Variants in SGCD observed in about 807,000 individuals in gnomAD.
SGCD encodes delta-sarcoglycan.
SGCD carries 18 observed loss-of-function variants against 36.6 expected under a neutral mutation model. That is an observed-to-expected ratio of 0.49 (90% CI 0.34 to 0.73). SGCD has a LOEUF of 0.73. Ranked by LOEUF, SGCD falls within the 30% of genes least tolerant of loss-of-function variation. SGCD has a pLI of 0.01. For missense variants in SGCD, 387 were observed against 346.7 expected (o/e 1.12, Z -0.92); for synonymous variants, 133 against 130.6 (o/e 1.02, Z -0.12).
rs1279219724 is a variant in SGCD, at chr5:156,634,915, T to C, written c.503-12549T>C. The stretch of plus-strand genomic sequence containing the variant: ...AGCTAAAGAGATGGGTTATGTCAGA[T>C]TGTCATATTAAATAGCGGAACTTCC... On this transcript the variant is annotated intron_variant, in intron 6 of 8. Coordinates refer to ENST00000337851, the MANE Select transcript of SGCD (RefSeq NM_000337.6). Among the ~76,000 whole-genome samples, 3 of 152,142 alleles carry C rather than the reference T, an allele frequency of 2.0e-5. No homozygotes were observed. The South Asian group carries it at 6.2e-4, about 31-fold the overall frequency.
At chr5:156,742,155 C>T (rs1261847981) in intron 7 of SGCD, among the ~76,000 whole-genome samples, 5 of 152,170 alleles carry the variant, frequency 3.3e-5, no homozygotes, top group African/African-American at 1.2e-4. Flanking sequence ...GGATTACAGG[C>T]GTGAGCCACC....
chr5:156,604,569 T>C (rs1429131823), intron 6 of SGCD, among the ~76,000 whole-genome samples: 1 of 151,768 alleles, frequency 6.6e-6, no homozygotes. Context: ...TATTTTAAGC[T>C]AATAACAATT....
chr5:156,237,480 C>T (rs994713445), intron 3 of SGCD, among the ~76,000 whole-genome samples: 2 of 152,060 alleles, frequency 1.3e-5, no homozygotes, highest in Admixed American at 6.5e-5. Flanking sequence ...AAAAAATTAG[C>T]TGGCCATGGT....
At position 156,458,134 on chromosome 5, in the gene SGCD, C is replaced by T. The variant is rs1754334558; in HGVS notation, c.193-50467C>T. Among the ~76,000 whole-genome samples, 4 of 152,144 alleles carry T rather than the reference C, an allele frequency of 2.6e-5. No individual in the cohort carries two copies. The South Asian group carries it at 8.3e-4, about 32-fold the overall frequency. Reference sequence around the variant, plus strand: ...CTCTGATCCCCACAGGTTCCCAGACCTGTGCTGAAGGAGAATCCTCATTCC... The same window carrying T: ...CTCTGATCCCCACAGGTTCCCAGACTTGTGCTGAAGGAGAATCCTCATTCC... On this transcript the variant is annotated intron_variant, in intron 3 of 8. Transcript: ENST00000337851.
At chr5:156,237,636 CA>C (rs1381565375) in intron 3 of SGCD, among the ~76,000 whole-genome samples, 1 of 151,606 alleles carries the variant, frequency 6.6e-6, no homozygotes, top group Non-Finnish European at 1.5e-5. Flanking sequence ...ATGAAAAAAA[CA>C]AAAAACAAAG....
intron 3 of SGCD, among the ~76,000 whole-genome samples, chr5:156,292,017 A>C (rs1766770702): frequency 6.6e-6 from 1 of 152,056 alleles, no homozygotes; most frequent in African/African-American, 2.4e-5. Flanking sequence ...CCCAGCCACT[A>C]GTAACCACCA....
chr5:156,462,030 A>C lies in SGCD; in HGVS notation c.193-46571A>C, dbSNP rs138691515. On this transcript the variant is annotated intron_variant, in intron 3 of 8. Transcript: ENST00000337851. Reference sequence around the variant, plus strand: ...AAATATGTGAAAAGCTGTTTATACAACAGTAACACTAAATTTTATGTACTG... The same window carrying C: ...AAATATGTGAAAAGCTGTTTATACACCAGTAACACTAAATTTTATGTACTG... 9.7e-3 allele frequency among the ~76,000 whole-genome samples: 1,482 copies of C among 152,338 alleles called. 27 individuals are homozygous for C. Among genetic ancestry groups the C allele is most frequent in the African/African-American group, 0.034 (1,405 of 41,576 alleles).
intron 6 of SGCD, among the ~76,000 whole-genome samples, chr5:156,599,266 A>G (rs1761068245): frequency 6.6e-6 from 1 of 152,114 alleles, no homozygotes. Context: ...TGCACATTTC[A>G]TGGTAGCATC....
chr5:156,048,552 G>A (rs1315075965), intron 1 of SGCD, among the ~76,000 whole-genome samples: 1 of 152,172 alleles, frequency 6.6e-6, no homozygotes, highest in Non-Finnish European at 1.5e-5. Flanking sequence ...TTGTGGTTTT[G>A]ATTTGCATTT....
chr5:156,107,653 C>T (rs1329599635), intron 1 of SGCD, among the ~76,000 whole-genome samples: 1 of 152,118 alleles, frequency 6.6e-6, no homozygotes, highest in Non-Finnish European at 1.5e-5. Flanking sequence ...CAAATCCCCC[C>T]TCCTAGGCAA....
chr5:155,953,073 G>A (rs952456942), intron 1 of SGCD, among the ~76,000 whole-genome samples: 5 of 151,848 alleles, frequency 3.3e-5, no homozygotes, highest in Admixed American at 1.3e-4. Flanking sequence ...TTCATTTTTC[G>A]CTGACCTCAC....
intron 1 of SGCD, among the ~76,000 whole-genome samples, chr5:155,914,384 A>G (rs925671979): frequency 6.6e-6 from 1 of 152,184 alleles, no homozygotes; most frequent in Non-Finnish European, 1.5e-5. Flanking sequence ...ACTATGTGCC[A>G]GGCTCTAGGT....
At chr5:156,407,939 T>C (rs916118909) in intron 3 of SGCD, among the ~76,000 whole-genome samples, 1 of 152,162 alleles carries the variant, frequency 6.6e-6, no homozygotes, top group African/African-American at 2.4e-5. Context: ...TTAACATATG[T>C]GGAGGAGGAA....
At chr5:156,607,030 T>C (rs1469149646) in intron 6 of SGCD, among the ~76,000 whole-genome samples, 3 of 152,314 alleles carry the variant, frequency 2.0e-5, no homozygotes, top group East Asian at 1.9e-4. Context: ...AATTGAATAC[T>C]CTTTGCTTCC....
chr5:156,587,909 G>A (rs1361211104), intron 4 of SGCD, among the ~76,000 whole-genome samples: 1 of 151,300 alleles, frequency 6.6e-6, no homozygotes, highest in Non-Finnish European at 1.5e-5. Context: ...GTCTCCATTA[G>A]AATATAAGAC....
intron 3 of SGCD, among the ~76,000 whole-genome samples, chr5:156,168,776 A>G (rs1763271922): frequency 6.6e-6 from 1 of 152,194 alleles, no homozygotes; most frequent in Non-Finnish European, 1.5e-5. Context: ...TTTAACAGAG[A>G]TTTATTGAAC....
At chr5:156,091,570 C>A (rs1265332884) in intron 1 of SGCD, among the ~76,000 whole-genome samples, 1 of 152,164 alleles carries the variant, frequency 6.6e-6, no homozygotes, top group Non-Finnish European at 1.5e-5. Context: ...CTGGAGTATT[C>A]ATTGGCTGAT....
chr5:155,890,681 C>T (rs796494771), intron 1 of SGCD, among the ~76,000 whole-genome samples: 7 of 92,280 alleles, frequency 7.6e-5, no homozygotes, highest in East Asian at 5.7e-4. Context: ...GATAGATAGA[C>T]AGATAGATAG....
At chr5:156,676,594 G>T (rs897821594) in intron 7 of SGCD, among the ~76,000 whole-genome samples, 1 of 152,068 alleles carries the variant, frequency 6.6e-6, no homozygotes, top group African/African-American at 2.4e-5. Flanking sequence ...CTGGCCTTGC[G>T]GTTCACGAAC....
Sources: allele counts gnomAD v4.1 joint callset (sites outside exome capture counted in the v4.1 genomes callset), GRCh38; gene constraint gnomAD v4.1.1; transcripts MANE v1.5; gene names NCBI Gene and HGNC (gene_info 2026-07-23, HGNC 2026-07-21).